Variants in LRRD1 observed in about 807,000 individuals in gnomAD.
LRRD1 encodes the protein leucine rich repeats and death domain containing 1.
A neutral mutation model predicts 69.5 loss-of-function variants in LRRD1; 49 were observed. The ratio of observed to expected loss-of-function variants is 0.70; its 90% CI spans 0.56 to 0.89. The LOEUF is 0.89. LRRD1 is among the 40% of genes least tolerant of loss of function. LRRD1 has a pLI of 0.00. For missense variants in LRRD1, 853 were observed against 956.0 expected, an observed-to-expected ratio of 0.89 and a Z score of 1.42; for synonymous variants, 303 against 338.9, an observed-to-expected ratio of 0.89 and a Z score of 1.16.
intron 3 of LRRD1, among the ~76,000 whole-genome samples, chr7:92,153,764 G>C (rs1489377127): frequency 6.6e-6 from 1 of 151,722 alleles, no homozygotes; most frequent in Non-Finnish European, 1.5e-5. Flanking sequence ...AGAAGCTGCA[G>C]TGAGCCTAGA....
At chr7:92,142,182 T>A (rs1379903124), downstream of LRRD1, 2 of 253,836 alleles carry the variant, frequency 7.9e-6, no homozygotes, top group Non-Finnish European at 1.6e-5. Flanking sequence ...GACCTCGTGA[T>A]CTGCCCGTCT....
intron 1 of LRRD1, among the ~76,000 whole-genome samples, chr7:92,171,250 G>A (rs1266585646): frequency 6.6e-6 from 1 of 151,720 alleles, no homozygotes; most frequent in Non-Finnish European, 1.5e-5. Context: ...AATGGAAAAA[G>A]TTGTTTTGAA....
intron 1 of LRRD1, among the ~76,000 whole-genome samples, chr7:92,169,040 T>A (rs1262320600): frequency 3.3e-5 from 5 of 152,130 alleles, no homozygotes; most frequent in Non-Finnish European, 7.4e-5. Context: ...TGCCTCAGTT[T>A]CCCAAGTAGC....
chr7:92,177,812 C>T (rs1789229653), intron 1 of LRRD1, among the ~76,000 whole-genome samples: 1 of 152,140 alleles, frequency 6.6e-6, no homozygotes, highest in Admixed American at 6.5e-5. Context: ...CTACATCTGC[C>T]TGACTATATT....
chr7:92,153,033 A>G (rs1432990576), intron 3 of LRRD1, among the ~76,000 whole-genome samples: 2 of 151,980 alleles, frequency 1.3e-5, no homozygotes, highest in African/African-American at 4.8e-5. Flanking sequence ...TAATATGACT[A>G]ATAAGCATAA....
downstream of LRRD1, among the ~76,000 whole-genome samples, chr7:92,144,428 A>G (rs1191009504): frequency 2.0e-5 from 3 of 152,106 alleles, no homozygotes; most frequent in Non-Finnish European, 2.9e-5. Context: ...GGAGATGGAG[A>G]CCATCCTGCC....
chr7:92,171,204 A>C (rs977394354), intron 1 of LRRD1, among the ~76,000 whole-genome samples: 4 of 152,246 alleles, frequency 2.6e-5, no homozygotes, highest in Non-Finnish European at 4.4e-5. Flanking sequence ...GCAGAAATAA[A>C]TGAAATTGAG....
intron 3 of LRRD1, among the ~76,000 whole-genome samples, 181 bp from the exon 4 acceptor site, chr7:92,150,876 G>A (rs1820449020): frequency 6.6e-6 from 1 of 152,178 alleles, no homozygotes; most frequent in Non-Finnish European, 1.5e-5. Context: ...AAAGACAGCT[G>A]TGGTTCCTTT....
rs1265701406 is a variant in LRRD1, at chr7:92,162,289, G to C, written c.1917+997C>G. ...GCAAGACTCTTCAAAGCTTTTAATA[G>C]ATCAGTATTCATTGTTATTCTTTAA... On this transcript the variant is annotated intron_variant, in intron 2 of 5. Coordinates refer to ENST00000458448, the MANE Select transcript of LRRD1 (RefSeq NM_001161528.2). Among the ~76,000 whole-genome samples, 4 of 152,290 alleles carry C rather than the reference G, an allele frequency of 2.6e-5. No homozygotes were observed. In the South Asian group the frequency reaches 8.3e-4, roughly 32 times the overall value.
intron 1 of LRRD1, among the ~76,000 whole-genome samples, chr7:92,173,251 A>C (rs1400061446): frequency 6.6e-6 from 1 of 152,240 alleles, no homozygotes; most frequent in Non-Finnish European, 1.5e-5. Context: ...ACTAGAAGAA[A>C]ACATTGGGGA....
chr7:92,144,738 A>C, downstream of LRRD1: 1 of 434,520 alleles, frequency 2.3e-6, no homozygotes, highest in Non-Finnish European at 4.1e-6. Flanking sequence ...ATAACATTAG[A>C]GTGATAGTTA....
chr7:92,175,937 GT>G (rs1356363434), intron 1 of LRRD1, among the ~76,000 whole-genome samples: 2 of 152,130 alleles, frequency 1.3e-5, no homozygotes, highest in Non-Finnish European at 2.9e-5. Context: ...TGAACTTTCA[GT>G]TCTATTCCTT....
At chr7:92,143,654 C>T (rs1219646975), downstream of LRRD1, among the ~76,000 whole-genome samples, 2 of 152,162 alleles carry the variant, frequency 1.3e-5, no homozygotes, top group Admixed American at 6.5e-5. Flanking sequence ...ACCCGGAACT[C>T]GCGCTGGCCC....
At position 92,146,099 on chromosome 7, in the gene LRRD1, C is replaced by G; in HGVS notation, c.2380G>C (p.Asp794His). The G allele has an allele frequency of 6.6e-7, 1 of 1,523,446 alleles. No individual in the cohort carries two copies. Among genetic ancestry groups the G allele is most frequent in the Non-Finnish European group, 8.8e-7 (1 of 1,133,374 alleles). 94.4% of individuals were successfully genotyped at this position (1,523,446 alleles called of 1,614,324 possible). Residue 794 changes from aspartate to histidine, a missense_variant, in exon 5 of 6, where the codon GAT becomes CAT. Physicochemically the swap from Asp to His is moderately conservative, Grantham distance 81. Coordinates refer to ENST00000458448, the MANE Select transcript of LRRD1 (RefSeq NM_001161528.2). ...TATACATACCTCTTTGTAGGCATAT[C>G]AGTTTCTGAGTTTGCCAGGTTTAGT... ...QKLNLANSETDMPTKSTVSLS... is the reference protein window; with the variant it reads ...QKLNLANSETHMPTKSTVSLS...
Position 92,158,889 on chromosome 7 carries a change from T to C in LRRD1, c.2116+116A>G, listed in dbSNP as rs191699480. 10 of 755,656 alleles carry C rather than the reference T, an allele frequency of 1.3e-5. No individual in the cohort carries two copies. In the African/African-American group the frequency reaches 1.5e-4, roughly 11 times the overall value. 46.8% of individuals were successfully genotyped at this position (755,656 alleles called of 1,614,324 possible). A position where few individuals can be genotyped will look rare whatever the true frequency, so the allele number is the denominator to read the frequency against. On this transcript the variant is annotated intron_variant, in intron 3 of 5. Coordinates refer to ENST00000458448, the MANE Select transcript of LRRD1 (RefSeq NM_001161528.2). ...TAGGACAGTCATTTCCTTCTAATGGTGACTTAATACCTTATGTTGACTCTT... is the reference window on the plus strand; with the variant it reads ...TAGGACAGTCATTTCCTTCTAATGGCGACTTAATACCTTATGTTGACTCTT...
intron 2 of LRRD1, among the ~76,000 whole-genome samples, chr7:92,160,838 G>A (rs1788781261): frequency 6.6e-6 from 1 of 151,854 alleles, no homozygotes; most frequent in Admixed American, 6.6e-5. Flanking sequence ...AACAAAGAAT[G>A]AATAGAATTA....
chr7:92,156,102 A>G (rs1173943388), intron 3 of LRRD1, among the ~76,000 whole-genome samples: 3 of 152,220 alleles, frequency 2.0e-5, no homozygotes, highest in African/African-American at 7.2e-5. Context: ...AATCAAGTTG[A>G]CACTCAATAT....
chr7:92,165,226 C>A lies in LRRD1; in HGVS notation c.-24G>T. 7.8e-7 allele frequency: 1 copy of A among 1,281,976 alleles called. No individual in the cohort carries two copies. 79.4% of individuals were successfully genotyped at this position (1,281,976 alleles called of 1,614,324 possible). A position where few individuals can be genotyped will look rare whatever the true frequency, so the allele number is the denominator to read the frequency against. The stretch of plus-strand genomic sequence containing the variant: ...ATCTTATTTGCTGATATGTTTTATG[C>A]CAATACAAAATTGTAACTTGATTTT... On this transcript the variant is annotated 5_prime_UTR_variant, in exon 2 of 6. Transcript: ENST00000458448.
At chr7:92,169,028 T>C (rs766425435) in intron 1 of LRRD1, among the ~76,000 whole-genome samples, 1 of 152,122 alleles carries the variant, frequency 6.6e-6, no homozygotes, top group Non-Finnish European at 1.5e-5. Context: ...AAGCAATTCT[T>C]GTGCCTCAGT....
Sources: gnomAD v4.1 joint callset for allele counts (sites outside exome capture counted in the v4.1 genomes callset) on GRCh38, gnomAD v4.1.1 for gene constraint, MANE v1.5 for transcripts, NCBI Gene and HGNC (gene_info 2026-07-23, HGNC 2026-07-21) for gene names.